ANAPC1: variants seen among roughly 807,000 people sequenced by gnomAD.
The protein encoded by ANAPC1 is anaphase promoting complex subunit 1.
ANAPC1 carries 36 observed loss-of-function variants against 208.0 expected under a neutral mutation model. That is an observed-to-expected ratio of 0.17 (90% CI 0.13 to 0.23). The LOEUF (loss-of-function observed/expected upper bound fraction) is 0.23, where lower values mean the gene tolerates loss of function less well. ANAPC1 is among the 10% of genes least tolerant of loss of function. The pLI is 1.00. For synonymous variants in ANAPC1, 378 were observed against 695.2 expected (o/e 0.54, Z 7.18); for missense variants, 942 against 2,011.6 (o/e 0.47, Z 10.17).
intron 7 of ANAPC1, among the ~76,000 whole-genome samples, chr2:111,867,029 C>T (rs923547595): frequency 2.6e-5 from 4 of 151,712 alleles, no homozygotes; most frequent in Non-Finnish European, 5.9e-5. Flanking sequence ...CGGTGGCTCA[C>T]GATGTAATCC....
At chr2:111,838,229 T>C (rs1052970858) in intron 18 of ANAPC1, among the ~76,000 whole-genome samples, 32 of 152,322 alleles carry the variant, frequency 2.1e-4, no homozygotes, top group African/African-American at 7.2e-4. Context: ...AATCATGCAG[T>C]AATACATGTA....
At chr2:111,841,419 T>TACAG (rs1680758061) in intron 17 of ANAPC1, among the ~76,000 whole-genome samples, 2 of 89,282 alleles carry the variant, frequency 2.2e-5, no homozygotes, top group Non-Finnish European at 5.4e-5. Flanking sequence ...GGTGTAATTC[T>TACAG]ATAGAGACAG....
chr2:111,871,685 G>A (rs1682754266), intron 6 of ANAPC1, among the ~76,000 whole-genome samples: 1 of 151,696 alleles, frequency 6.6e-6, no homozygotes, highest in Non-Finnish European at 1.5e-5. Context: ...CTGGGAGGCA[G>A]AGGTTGTGGT....
intron 14 of ANAPC1, among the ~76,000 whole-genome samples, chr2:111,848,288 C>T (rs1344248443): frequency 2.0e-5 from 3 of 151,594 alleles, no homozygotes; most frequent in African/African-American, 4.8e-5. Flanking sequence ...ACTTGAGGGA[C>T]CAAGATCTAG....
At chr2:111,775,310 T>G (rs1034057232) in intron 46 of ANAPC1, among the ~76,000 whole-genome samples, 2 of 152,212 alleles carry the variant, frequency 1.3e-5, no homozygotes, top group Non-Finnish European at 2.9e-5. Context: ...ATAAATTGGC[T>G]GCATTTTCAG....
chr2:111,856,452 T>G (rs1394045255), intron 13 of ANAPC1, 162 bp downstream of exon 13: 1 of 735,170 alleles, frequency 1.4e-6, no homozygotes, highest in African/African-American at 1.8e-5. Context: ...AGGACCCACC[T>G]AAATAGGAAG....
In ANAPC1 at chr2:111,847,816, T is replaced by C. The variant is rs1431854590; in HGVS notation, c.1700A>G (p.His567Arg). 1.3e-6 allele frequency: 2 copies of C among 1,599,262 alleles called. No homozygotes were observed. Among genetic ancestry groups the C allele is most frequent in the African/African-American group, 1.3e-5 (1 of 74,258 alleles). The change falls in exon 15 of 48, where the codon CAT (histidine) becomes CGT (arginine). Residue 567 changes from histidine to arginine, a missense_variant. His to Arg is a conservative substitution (Grantham distance 29, BLOSUM62 0). Coordinates refer to ENST00000341068, the MANE Select transcript of ANAPC1 (RefSeq NM_022662.4). ...VPELRDSSKL[H>R]DSLYNEDCTF... Reference sequence around the variant, plus strand: ...ACAATCCTCATTATAGAGAGAATCATGAAGTTTTGAAGAATCCCTCAGTTC... The same window carrying C: ...ACAATCCTCATTATAGAGAGAATCACGAAGTTTTGAAGAATCCCTCAGTTC...
chr2:111,790,900 C>A (rs2104524065), intron 38 of ANAPC1, among the ~76,000 whole-genome samples: 1 of 152,312 alleles, frequency 6.6e-6, no homozygotes, highest in East Asian at 1.9e-4. Context: ...AGAATGGTGG[C>A]TGCCAGAGGC....
chr2:111,798,464 A>C (rs1392613203), intron 34 of ANAPC1, among the ~76,000 whole-genome samples: 1 of 152,010 alleles, frequency 6.6e-6, no homozygotes, highest in Non-Finnish European at 1.5e-5. Context: ...CCTGGTAGAC[A>C]ACCTCAACAT....
intron 21 of ANAPC1, among the ~76,000 whole-genome samples, chr2:111,828,622 A>C (rs1050129971): frequency 3.9e-5 from 6 of 152,260 alleles, no homozygotes; most frequent in African/African-American, 1.4e-4. Context: ...CCTTTAAAAC[A>C]ATGTAATTTT....
intron 3 of ANAPC1, among the ~76,000 whole-genome samples, chr2:111,874,905 A>C (rs1027952090): frequency 4.0e-5 from 6 of 151,760 alleles, no homozygotes; most frequent in African/African-American, 1.5e-4. Flanking sequence ...GCAGCCTAGA[A>C]CTCCTGGGTT....
intron 14 of ANAPC1, among the ~76,000 whole-genome samples, chr2:111,848,132 G>A (rs1329527707): frequency 1.3e-5 from 2 of 151,898 alleles, no homozygotes; most frequent in African/African-American, 4.8e-5. Flanking sequence ...TGGATGACAC[G>A]GCAAGACCCA....
chr2:111,862,846 T>C (rs1008253278), intron 9 of ANAPC1, among the ~76,000 whole-genome samples: 11 of 152,268 alleles, frequency 7.2e-5, no homozygotes, highest in Admixed American at 5.2e-4. Flanking sequence ...ACTTAGATCA[T>C]CTTCTTTTTC....
rs372093494 is a variant in ANAPC1, at chr2:111,877,764, A to G, written c.375+1046T>C. Reference sequence around the variant, plus strand: ...ATGCCACTGCACTCCAGCCTGGGTGACAGAGCAAGACTCCATCTCAAAAAA... The same window carrying G: ...ATGCCACTGCACTCCAGCCTGGGTGGCAGAGCAAGACTCCATCTCAAAAAA... On this transcript the variant is annotated intron_variant, in intron 3 of 47. Coordinates refer to ENST00000341068, the MANE Select transcript of ANAPC1 (RefSeq NM_022662.4). Among the ~76,000 whole-genome samples, 168 of 152,282 alleles carry G rather than the reference A, an allele frequency of 1.1e-3. 1 individual carries two copies. The highest frequency in any genetic ancestry group is 3.5e-3 in the African/African-American group (146 of 41,552).
chr2:111,771,604 T>C (rs1195055174), intron 47 of ANAPC1, among the ~76,000 whole-genome samples: 2 of 151,864 alleles, frequency 1.3e-5, no homozygotes, highest in African/African-American at 2.4e-5. Flanking sequence ...TTTTTAGCTT[T>C]TATATTTGTT....
At chr2:111,883,027 A>G (rs958717930) in intron 1 of ANAPC1, among the ~76,000 whole-genome samples, 1 of 150,134 alleles carries the variant, frequency 6.7e-6, no homozygotes, top group Non-Finnish European at 1.5e-5. Flanking sequence ...TTAGCCAGAC[A>G]GTGATGGCGG....
chr2:111,811,373 G>C (rs2104405022), intron 28 of ANAPC1, among the ~76,000 whole-genome samples: 1 of 129,782 alleles, frequency 7.7e-6, no homozygotes, highest in African/African-American at 3.2e-5. Flanking sequence ...TTAGTCTTGA[G>C]CTCATATAGA....
intron 28 of ANAPC1, among the ~76,000 whole-genome samples, chr2:111,810,514 A>G (rs1255711109): frequency 6.6e-6 from 1 of 151,824 alleles, no homozygotes. Flanking sequence ...AAAAAAAAAT[A>G]ACGCTGTGAA....
chr2:111,838,743 T>C (rs13009182), intron 17 of ANAPC1, among the ~76,000 whole-genome samples: 1 of 152,226 alleles, frequency 6.6e-6, no homozygotes, highest in African/African-American at 2.4e-5. Flanking sequence ...TGCCTGGGCT[T>C]CTAAGGACTG....
Sources: gnomAD v4.1 joint callset for allele counts (sites outside exome capture counted in the v4.1 genomes callset) on GRCh38, gnomAD v4.1.1 for gene constraint, MANE v1.5 for transcripts, NCBI Gene and HGNC (gene_info 2026-07-23, HGNC 2026-07-21) for gene names.